AKAP13: variants seen among roughly 807,000 people sequenced by gnomAD.
AKAP13 encodes the protein A-kinase anchoring protein 13.
A neutral mutation model predicts 264.5 loss-of-function variants in AKAP13; 80 were observed. That is an observed-to-expected ratio of 0.30 (90% CI 0.25 to 0.36). The LOEUF (loss-of-function observed/expected upper bound fraction) is 0.36. Among genes scored for constraint, AKAP13 ranks in the 10% least tolerant of loss-of-function variants. The pLI is 1.00. For synonymous variants in AKAP13, 1,380 were observed against 1,250.2 expected, an observed-to-expected ratio of 1.10 and a Z score of -2.19; for missense variants, 3,712 against 3,435.2, an observed-to-expected ratio of 1.08 and a Z score of -2.01.
intron 8 of AKAP13, among the ~76,000 whole-genome samples, chr15:85,605,436 T>C (rs2080280315): frequency 6.6e-6 from 1 of 152,106 alleles, no homozygotes; most frequent in African/African-American, 2.4e-5. Flanking sequence ...AACATGTGGA[T>C]GCAGGGAGGG....
At chr15:85,399,856 T>A (rs1196402476) in intron 1 of AKAP13, among the ~76,000 whole-genome samples, 4 of 152,152 alleles carry the variant, frequency 2.6e-5, no homozygotes, top group Non-Finnish European at 5.9e-5. Context: ...TGCTGAGGAG[T>A]AAGGTCCTCT....
intron 8 of AKAP13, among the ~76,000 whole-genome samples, chr15:85,617,875 T>G (rs2081010757): frequency 6.6e-6 from 1 of 152,270 alleles, no homozygotes; most frequent in South Asian, 2.1e-4. Context: ...ATGCTTTTGA[T>G]AAGCCTGAGC....
rs188784531 is a variant in AKAP13 at position 85,381,211 on chromosome 15, G to A, written c.-12+413G>A. The stretch of plus-strand genomic sequence containing the variant: ...GGCGGGCTCACTCCTCCCCTGGGGC[G>A]GGCGGCCGCGGTGTGGAGTCCCCGC... On this transcript the variant is annotated intron_variant, in intron 1 of 36. Coordinates refer to ENST00000394518, the MANE Select transcript of AKAP13 (RefSeq NM_007200.5). Among the ~76,000 whole-genome samples the A allele has an allele frequency of 5.8e-4, 89 of 152,218 alleles. 1 individual carries two copies. The highest frequency in any genetic ancestry group is 1.7e-3 in the African/African-American group (72 of 41,566).
intron 17 of AKAP13, among the ~76,000 whole-genome samples, chr15:85,705,897 A>C (rs1240964383): frequency 6.6e-6 from 1 of 150,942 alleles, no homozygotes; most frequent in African/African-American, 2.4e-5. Flanking sequence ...ACAACATATA[A>C]TTTGTTTTTG....
At chr15:85,611,065 C>T (rs746791066) in intron 8 of AKAP13, among the ~76,000 whole-genome samples, 4 of 151,692 alleles carry the variant, frequency 2.6e-5, no homozygotes, top group Non-Finnish European at 4.4e-5. Flanking sequence ...TCTACAACTA[C>T]GCCAGAACTA....
chr15:85,472,714 A>C (rs536774011), intron 1 of AKAP13, among the ~76,000 whole-genome samples: 2 of 152,218 alleles, frequency 1.3e-5, no homozygotes, highest in African/African-American at 4.8e-5. Context: ...ATAGGGGAGG[A>C]ATAAAATTAA....
chr15:85,483,517 T>C (rs1421824840), intron 1 of AKAP13, among the ~76,000 whole-genome samples: 1 of 146,686 alleles, frequency 6.8e-6, no homozygotes, highest in East Asian at 2.0e-4. Context: ...TCCCAGCTAC[T>C]GGGGAGGCTG....
At chr15:85,605,441 G>C (rs1279068898) in intron 8 of AKAP13, among the ~76,000 whole-genome samples, 1 of 152,166 alleles carries the variant, frequency 6.6e-6, no homozygotes, top group East Asian at 1.9e-4. Flanking sequence ...GTGGATGCAG[G>C]GAGGGAAACA....
intron 30 of AKAP13, among the ~76,000 whole-genome samples, chr15:85,730,961 C>A (rs981861800): frequency 2.0e-5 from 3 of 149,204 alleles, no homozygotes; most frequent in African/African-American, 7.4e-5. Context: ...CCAAAAGGAG[C>A]AGTTATTCTG....
chr15:85,725,346 A>G (rs2151737259), intron 26 of AKAP13, among the ~76,000 whole-genome samples: 1 of 151,800 alleles, frequency 6.6e-6, no homozygotes, highest in South Asian at 2.1e-4. Context: ...AAACTTCAAG[A>G]TTCAATGAAG....
intron 1 of AKAP13, among the ~76,000 whole-genome samples, chr15:85,478,284 A>C (rs2075241090): frequency 6.6e-6 from 1 of 152,224 alleles, no homozygotes; most frequent in South Asian, 2.1e-4. Flanking sequence ...ACATATTATA[A>C]ATATATGTCA....
chr15:85,422,258 A>G (rs965824964), intron 1 of AKAP13, among the ~76,000 whole-genome samples: 6 of 152,202 alleles, frequency 3.9e-5, no homozygotes, highest in African/African-American at 1.4e-4. Context: ...TGAGGTGTGC[A>G]TTAGAGAGCA....
intron 10 of AKAP13, 54 bp downstream of exon 10, chr15:85,646,008 T>G: frequency 6.3e-7 from 1 of 1,585,176 alleles, no homozygotes; most frequent in Non-Finnish European, 8.5e-7. Context: ...TGTTCCTATT[T>G]GGGCTTCCCA....
chr15:85,580,265 C>A lies in AKAP13; in HGVS notation c.2197C>A (p.Pro733Thr). ...RDTQERADFC[P>T]FKVVDNKGQR... ...TACCCAGGAACGTGCGGATTTTTGTCCTTTCAAAGTGGTGGATAACAAAGG... is the reference window on the plus strand; with the variant it reads ...TACCCAGGAACGTGCGGATTTTTGTACTTTCAAAGTGGTGGATAACAAAGG... Residue 733 changes from proline to threonine, a missense_variant, in exon 7 of 37, where the codon CCT becomes ACT. This residue lies in a region of AKAP13 where 2,759 missense variants were observed against 2,411.7 expected (regional missense o/e 1.14). Transcript: ENST00000394518. 1 of 1,614,172 alleles carries A rather than the reference C, an allele frequency of 6.2e-7. No individual in the cohort carries two copies. Among genetic ancestry groups the A allele is most frequent in the Non-Finnish European group, 8.5e-7 (1 of 1,180,032 alleles).
chr15:85,700,683 G>A (rs768424023), intron 17 of AKAP13, among the ~76,000 whole-genome samples: 7 of 152,206 alleles, frequency 4.6e-5, no homozygotes, highest in East Asian at 1.9e-4. Context: ...ACATAAAAAC[G>A]TACCTTCTTA....
chr15:85,736,296 C>T (rs2088495092), intron 33 of AKAP13, among the ~76,000 whole-genome samples, 162 bp downstream of exon 33: 1 of 151,890 alleles, frequency 6.6e-6, no homozygotes, highest in Admixed American at 6.6e-5. Flanking sequence ...GTTTCCTTGG[C>T]CTTTCCCCTG....
In AKAP13 at chr15:85,724,632, A is replaced by G. The variant is rs2087495098; in HGVS notation, c.6745+1312A>G. ...GACTGAGGAGTTAACAGTTGATACT[A>G]TTGATGAGGGAAGGGGGCAAAGAAT... On this transcript the variant is annotated intron_variant, in intron 26 of 36. Transcript: ENST00000394518. This position sits in a 1 kb window ranked among gnomAD's most constrained non-coding sequence, Gnocchi z 4.2. 6.6e-6 allele frequency among the ~76,000 whole-genome samples: 1 copy of G among 151,578 alleles called. No individual in the cohort carries two copies. Among genetic ancestry groups the G allele is most frequent in the Non-Finnish European group, 1.5e-5 (1 of 67,974 alleles).
intron 5 of AKAP13, 111 bp downstream of exon 5, chr15:85,544,066 C>T (rs2151214737): frequency 1.5e-6 from 2 of 1,323,882 alleles, no homozygotes; most frequent in East Asian, 4.7e-5. Flanking sequence ...AAATTAAAAC[C>T]TCAGCTCTGT....
intron 2 of AKAP13, among the ~76,000 whole-genome samples, chr15:85,504,215 A>T (rs1489199805): frequency 4.6e-5 from 7 of 152,142 alleles, no homozygotes; most frequent in Non-Finnish European, 4.4e-5. Flanking sequence ...TTAATGACAG[A>T]ATGTCACCTT....
Sources: allele counts gnomAD v4.1 joint callset (sites outside exome capture counted in the v4.1 genomes callset), GRCh38; gene constraint gnomAD v4.1.1; regional missense constraint gnomAD v4.1.1; non-coding constraint Gnocchi (gnomAD v3.1); transcripts MANE v1.5; gene names NCBI Gene and HGNC (gene_info 2026-07-23, HGNC 2026-07-21).